SOX5: variants seen among roughly 807,000 people sequenced by gnomAD.
SOX5 encodes SRY-box transcription factor 5, also known as transcription factor SOX-5.
In SOX5, 9 loss-of-function variants were observed where a neutral mutation model predicts 92.0. That is an observed-to-expected ratio of 0.10 (90% confidence interval 0.06 to 0.17). The LOEUF is 0.17. Among genes scored for constraint, SOX5 ranks in the 10% least tolerant of loss-of-function variants. The pLI is 1.00. For missense variants in SOX5, 642 were observed against 944.5 expected, an observed-to-expected ratio of 0.68 and a Z score of 4.20; for synonymous variants, 344 against 336.3, an observed-to-expected ratio of 1.02 and a Z score of -0.25.
At chr12:23,572,059 G>A (rs1272630416) in intron 10 of SOX5, among the ~76,000 whole-genome samples, 1 of 152,100 alleles carries the variant, frequency 6.6e-6, no homozygotes, top group African/African-American at 2.4e-5. Context: ...TACCTTTTAA[G>A]GATCTCCTTC....
chr12:24,131,603 T>C (rs1301655276), intron 4 of SOX5, among the ~76,000 whole-genome samples: 7 of 152,196 alleles, frequency 4.6e-5, no homozygotes, highest in African/African-American at 1.7e-4. Context: ...CATATATTTA[T>C]AATCTCACTG....
At chr12:24,273,964 G>C (rs61909923) in intron 3 of SOX5, among the ~76,000 whole-genome samples, 290 of 152,178 alleles carry the variant, frequency 1.9e-3, no homozygotes, top group Non-Finnish European at 3.5e-3. Context: ...ATTTCTGTTT[G>C]CAGCTTCATT....
rs1160512393 is a variant in SOX5, at chr12:24,376,735, G to GTC, written c.-250-8098_-250-8097dup. ...TTTTTTTTTTTTTTTTTTTTACAGA[G>GTC]TCTCACTGTCACCCAGGCTGGAGTA... On this transcript the variant is annotated intron_variant, in intron 1 of 4. Transcript: ENST00000446891. 7.9e-5 allele frequency among the ~76,000 whole-genome samples: 3 copies of GTC among 38,192 alleles called. 1 individual carries two copies. The highest frequency in any genetic ancestry group is 5.0e-4 in the Admixed American group (1 of 2,008). 25.1% of individuals were successfully genotyped at this position (38,192 alleles called of 152,430 possible).
intron 4 of SOX5, among the ~76,000 whole-genome samples, chr12:24,115,710 G>A (rs918352856): frequency 2.6e-5 from 4 of 152,114 alleles, no homozygotes; most frequent in African/African-American, 9.7e-5. Flanking sequence ...ACAAAGAACT[G>A]CTCAAAAAGG....
intron 8 of SOX5, among the ~76,000 whole-genome samples, chr12:23,614,152 C>T (rs2076282495): frequency 6.6e-6 from 1 of 152,130 alleles, no homozygotes; most frequent in Non-Finnish European, 1.5e-5. Context: ...TGGCTGCAGT[C>T]CTGCTACATA....
chr12:24,282,042 A>T (rs775001), intron 2 of SOX5, among the ~76,000 whole-genome samples: 7 of 152,112 alleles, frequency 4.6e-5, no homozygotes, highest in South Asian at 4.2e-4. Context: ...AGAGATTCAA[A>T]GAATTTTAAA....
chr12:23,731,558 T>A (rs2093393787), intron 6 of SOX5, among the ~76,000 whole-genome samples: 1 of 152,154 alleles, frequency 6.6e-6, no homozygotes, highest in Non-Finnish European at 1.5e-5. Flanking sequence ...AATAAAGACA[T>A]CTAAATTGAC....
intron 6 of SOX5, among the ~76,000 whole-genome samples, chr12:23,718,510 A>G (rs1424742201): frequency 6.6e-6 from 1 of 152,228 alleles, no homozygotes; most frequent in Non-Finnish European, 1.5e-5. Context: ...ACCTAAGTTG[A>G]ACTAGGATGA....
intron 2 of SOX5, among the ~76,000 whole-genome samples, chr12:23,881,437 A>G (rs2096988575): frequency 6.6e-6 from 1 of 152,184 alleles, no homozygotes; most frequent in African/African-American, 2.4e-5. Context: ...AATGCTCTGC[A>G]TATGACAAGG....
intron 4 of SOX5, among the ~76,000 whole-genome samples, chr12:24,055,438 G>A (rs1247324042): frequency 6.6e-6 from 1 of 152,190 alleles, no homozygotes; most frequent in Non-Finnish European, 1.5e-5. Context: ...TTAAAAATCA[G>A]AAAGGAAAGT....
intron 3 of SOX5, among the ~76,000 whole-genome samples, chr12:24,258,286 C>CA (rs1258836579): frequency 6.7e-6 from 1 of 149,610 alleles, no homozygotes; most frequent in Non-Finnish European, 1.5e-5. Flanking sequence ...TAAAACAAAA[C>CA]AAACAAACAA....
intron 2 of SOX5, among the ~76,000 whole-genome samples, chr12:23,857,922 C>T (rs1000447224): frequency 1.3e-5 from 2 of 151,876 alleles, no homozygotes; most frequent in African/African-American, 2.4e-5. Flanking sequence ...TTAGTAGAGA[C>T]GGGGTTTCGC....
intron 2 of SOX5, among the ~76,000 whole-genome samples, chr12:23,879,925 C>T (rs2096968779): frequency 6.6e-6 from 1 of 152,060 alleles, no homozygotes. Context: ...AGGACTACTT[C>T]CAGCATGGCA....
At chr12:23,864,969 G>A (rs1280296725) in intron 2 of SOX5, among the ~76,000 whole-genome samples, 4 of 152,134 alleles carry the variant, frequency 2.6e-5, no homozygotes, top group South Asian at 2.1e-4. Context: ...GCTTGGCTTC[G>A]ACGCTTCAAA....
intron 2 of SOX5, among the ~76,000 whole-genome samples, chr12:24,364,888 G>A (rs1595949548): frequency 6.6e-6 from 1 of 151,934 alleles, no homozygotes; most frequent in Admixed American, 6.6e-5. Context: ...CAGAGGTTTG[G>A]GGAAAGAGTT....
intron 2 of SOX5, among the ~76,000 whole-genome samples, chr12:24,348,325 A>G (rs1268700806): frequency 6.6e-6 from 1 of 151,870 alleles, no homozygotes; most frequent in African/African-American, 2.4e-5. Context: ...CCTTGCTTCA[A>G]GCTCATCACA....
chr12:24,405,142 G>T (rs1962628711), intron 1 of SOX5, among the ~76,000 whole-genome samples: 1 of 152,134 alleles, frequency 6.6e-6, no homozygotes, highest in Non-Finnish European at 1.5e-5. Context: ...TTGTCACCCT[G>T]TTTGTGGTAC....
chr12:23,919,511 T>A (rs1460279528), intron 1 of SOX5, among the ~76,000 whole-genome samples: 1 of 152,218 alleles, frequency 6.6e-6, no homozygotes, highest in Non-Finnish European at 1.5e-5. Context: ...CTAATACTTA[T>A]ATAGCAACTA....
intron 1 of SOX5, among the ~76,000 whole-genome samples, chr12:24,446,628 C>A (rs1211270160): frequency 1.3e-5 from 2 of 152,146 alleles, no homozygotes; most frequent in African/African-American, 4.8e-5. Context: ...GTTCAGAGGA[C>A]TGACTCTATA....
Sources: gnomAD v4.1 joint callset for allele counts (sites outside exome capture counted in the v4.1 genomes callset) on GRCh38, gnomAD v4.1.1 for gene constraint, MANE v1.5 for transcripts, NCBI Gene and HGNC (gene_info 2026-07-23, HGNC 2026-07-21) for gene names.